Variants in GALK1 observed in about 807,000 individuals in gnomAD.
GALK1 encodes galactokinase 1.
GALK1 carries 30 observed loss-of-function variants against 38.6 expected under a neutral mutation model. That is an observed-to-expected ratio of 0.78 (90% CI 0.58 to 1.05). GALK1 has a LOEUF of 1.05. GALK1 is among the 50% of genes least tolerant of loss of function. The probability of loss-of-function intolerance (pLI) is 0.00; values close to 1 mark genes in which losing one functional copy is unlikely to be tolerated. For synonymous variants in GALK1, 240 were observed against 233.6 expected (o/e 1.03, Z -0.25); for missense variants, 512 against 540.5 (o/e 0.95, Z 0.52).
Position 75,758,257 on chromosome 17 carries a change from TC to T in GALK1, c.1059del (p.Thr354HisfsTer84), listed in dbSNP as rs2061564118. 2 of 1,599,100 alleles carry T rather than the reference TC, an allele frequency of 1.3e-6. No homozygotes were observed. Among genetic ancestry groups the T allele is most frequent in the African/African-American group, 2.7e-5 (2 of 74,776 alleles). ...GGAGCAGCGGAGGCCTCCAGCAGTG[TC>T]ACCGTGCAGCCACCGAAGCCACCGC... ...MTGGGFGGCT[V>X]TLLEASAAPH... is the part of the protein sequence containing the mutation. On this transcript the variant is annotated frameshift_variant, in exon 7 of 8. Coordinates refer to ENST00000588479, the MANE Select transcript of GALK1 (RefSeq NM_000154.2). LOFTEE classifies it high-confidence loss of function.
At chr17:75,755,882 G>A, downstream of GALK1, 4 of 1,592,890 alleles carry the variant, frequency 2.5e-6, no homozygotes, top group African/African-American at 5.3e-5. Flanking sequence ...GCTGCGGGGT[G>A]CAGCCCTGCA....
At chr17:75,757,699 G>A, downstream of GALK1, 1 of 1,154,364 alleles carries the variant, frequency 8.7e-7, no homozygotes, top group Non-Finnish European at 1.3e-6. Context: ...TCTCCTGGGA[G>A]GCATGAAGGG....
At chr17:75,755,074 A>C (rs1384602201), downstream of GALK1, 7 of 1,599,614 alleles carry the variant, frequency 4.4e-6, no homozygotes, top group Non-Finnish European at 6.0e-6. Context: ...CCATCTGGGA[A>C]CACGGGAGGA....
At chr17:75,756,593 C>T, downstream of GALK1, 1 of 1,612,974 alleles carries the variant, frequency 6.2e-7, no homozygotes, top group Non-Finnish European at 8.5e-7. Flanking sequence ...GGTGCACCCG[C>T]AGAGCCCACT....
downstream of GALK1, among the ~76,000 whole-genome samples, chr17:75,755,407 C>T (rs1246491236): frequency 3.3e-5 from 5 of 152,204 alleles, no homozygotes; most frequent in South Asian, 2.1e-4. Flanking sequence ...TCCCAGGGGG[C>T]GGGGCTGGGG....
At chr17:75,752,148 C>A in intron 8 of GALK1, 1 of 1,612,754 alleles carries the variant, frequency 6.2e-7, no homozygotes, top group Non-Finnish European at 8.5e-7. Flanking sequence ...CCTGGGTGAC[C>A]CTCTGAAGCA....
chr17:75,760,328 A>G (rs990077608), intron 5 of GALK1, among the ~76,000 whole-genome samples: 3 of 151,956 alleles, frequency 2.0e-5, no homozygotes, highest in African/African-American at 7.2e-5. Context: ...CCTGAGCTCA[A>G]TGAATCTGCC....
chr17:75,758,751 G>A (rs1268611774), intron 5 of GALK1, 152 bp from the exon 6 acceptor site: 6 of 881,614 alleles, frequency 6.8e-6, no homozygotes, highest in South Asian at 1.6e-5. Context: ...CTCAGACGTG[G>A]GTCTGAAGAG....
At chr17:75,761,741 G>A (rs1006015427) in intron 5 of GALK1, among the ~76,000 whole-genome samples, 24 of 150,612 alleles carry the variant, frequency 1.6e-4, no homozygotes, top group African/African-American at 4.4e-4. Flanking sequence ...AAAAGAGACC[G>A]GCACTATGGC....
At chr17:75,755,329 CCCGCCTGCCCACAGGCGCTAA>C, downstream of GALK1, 1 of 1,136,954 alleles carries the variant, frequency 8.8e-7, no homozygotes, top group Non-Finnish European at 1.2e-6. Flanking sequence ...CCACAGGACC[CCCGCCTGCCCACAGGCGCTAA>C]CCACCTGCCC....
chr17:75,760,079 A>C (rs1174139879), intron 5 of GALK1, among the ~76,000 whole-genome samples: 1 of 152,120 alleles, frequency 6.6e-6, no homozygotes, highest in African/African-American at 2.4e-5. Flanking sequence ...GTGTAGCAGG[A>C]GCCTTAAGGA....
Position 75,764,048 on chromosome 17 carries a change from G to C in GALK1, c.204C>G (p.Arg68=), listed in dbSNP as rs920814505. The stretch of plus-strand genomic sequence containing the variant: ...TGAGGAGAGACACCAGCCCATCCTT[G>C]CGGGGGCTGCCCACCAGCACCGTCA... ...ELMTVLVGSP[R]KDGLVSLLTT... Residue 68 remains arginine (R), a synonymous_variant, in exon 2 of 8, where the codon CGC becomes CGG. Coordinates refer to ENST00000588479, the MANE Select transcript of GALK1 (RefSeq NM_000154.2). 2 of 1,596,866 alleles carry C rather than the reference G, an allele frequency of 1.3e-6. No individual in the cohort carries two copies. The highest frequency in any genetic ancestry group is 1.7e-5 in the Admixed American group (1 of 57,356).
downstream of GALK1, chr17:75,757,157 C>G: frequency 6.2e-7 from 1 of 1,612,552 alleles, no homozygotes; most frequent in Non-Finnish European, 8.5e-7. Flanking sequence ...GGCCGTGCCT[C>G]CTTCTGGCAC....
chr17:75,762,857 A>C lies in GALK1; in HGVS notation c.640T>G (p.Ser214Ala). The C allele has an allele frequency of 6.2e-7, 1 of 1,613,568 alleles. No individual in the cohort carries two copies. The highest frequency in any genetic ancestry group is 2.2e-5 in the East Asian group (1 of 44,884). The change falls in exon 5 of 8, where the codon TCG becomes GCG. Residue 214 changes from serine to alanine, a missense_variant. Transcript: ENST00000588479. ...ATGAGCACGGCCAGCTTGGGGTCCG[A>C]GAGTGGCACCAGGCTGGTCTCCAAG... ...RSLETSLVPL[S>A]DPKLAVLITN... is the part of the protein sequence containing the mutation.
chr17:75,760,921 T>C (rs1259797747), intron 5 of GALK1, among the ~76,000 whole-genome samples: 1 of 151,934 alleles, frequency 6.6e-6, no homozygotes, highest in African/African-American at 2.4e-5. Flanking sequence ...ATAAAAAAGA[T>C]GGCCAGGCAC....
chr17:75,763,483 A>G lies in GALK1; in HGVS notation c.356-44T>C, dbSNP rs752401700. ...GTGATGGTAAGAGGGGCTGCCTGGG[A>G]GGATGGCACAGGAAGGGCAGGTGTC... On this transcript the variant is annotated intron_variant, in intron 2 of 7. Coordinates refer to ENST00000588479, the MANE Select transcript of GALK1 (RefSeq NM_000154.2). The G allele has an allele frequency of 2.3e-5, 35 of 1,553,190 alleles. 1 individual carries two copies. In the South Asian group the frequency reaches 3.7e-4, roughly 16 times the overall value.
At chr17:75,753,816 G>A (rs775826078), downstream of GALK1, 3 of 1,464,246 alleles carry the variant, frequency 2.0e-6, no homozygotes, top group Admixed American at 6.5e-5. Flanking sequence ...GACCTGCGGC[G>A]CGTCACGTGG....
chr17:75,756,333 A>G (rs2061501192), downstream of GALK1: 1 of 1,383,314 alleles, frequency 7.2e-7, no homozygotes, highest in Admixed American at 1.8e-5. Flanking sequence ...TGGGTGGGTG[A>G]TAACTAGGTC....
intron 8 of GALK1, chr17:75,752,161 C>T: frequency 6.2e-7 from 1 of 1,613,810 alleles, no homozygotes; most frequent in African/African-American, 1.3e-5. Flanking sequence ...CTGAAGCACT[C>T]TCTCTGCCCC....
Sources: allele counts gnomAD v4.1 joint callset (sites outside exome capture counted in the v4.1 genomes callset), GRCh38; gene constraint gnomAD v4.1.1; transcripts MANE v1.5; gene names NCBI Gene and HGNC (gene_info 2026-07-23, HGNC 2026-07-21).